HELLS: variants seen among roughly 807,000 people sequenced by gnomAD.
HELLS encodes the protein helicase, lymphoid specific, also known as lymphoid-specific helicase.
Under a neutral mutation model 120.0 loss-of-function variants are expected in HELLS, and 32 were observed. The observed-to-expected ratio is 0.27, with a 90% CI of 0.20 to 0.36. HELLS has a LOEUF of 0.36. Ranked by LOEUF, HELLS falls within the 10% of genes least tolerant of loss-of-function variation. The pLI, the probability that HELLS is intolerant of heterozygous loss-of-function variation, is 1.00. For missense variants in HELLS, 650 were observed against 993.4 expected (o/e 0.65, Z 4.65); for synonymous variants, 341 against 323.4 (o/e 1.05, Z -0.58).
At chr10:94,567,920 T>G (rs1305083889) in intron 6 of HELLS, among the ~76,000 whole-genome samples, 2 of 148,566 alleles carry the variant, frequency 1.3e-5, no homozygotes, top group East Asian at 2.0e-4. Context: ...TTTTTTTTTT[T>G]TTTTTTTGGA....
intron 13 of HELLS, among the ~76,000 whole-genome samples, chr10:94,589,847 TG>T (rs1845384927): frequency 6.6e-6 from 1 of 151,806 alleles, no homozygotes; most frequent in South Asian, 2.1e-4. Context: ...CCACCACGCT[TG>T]GCTAATTTTT....
chr10:94,588,390 G>A lies in HELLS; in HGVS notation c.1488G>A (p.Glu496=). Reference sequence around the variant, plus strand: ...TTGCAAACATGTTTGGATCCAGTGAGGTATAGTGGTTTTGAAATGTACTGT... The same window carrying A: ...TTGCAAACATGTTTGGATCCAGTGAAGTATAGTGGTTTTGAAATGTACTGT... ...RTIANMFGSS[E]KETIELSPTG... Residue 496 remains glutamate (E), a splice_region_variant and synonymous_variant, in exon 13 of 22, where the codon GAG becomes GAA. Transcript: ENST00000348459. 6.4e-7 allele frequency: 1 copy of A among 1,571,076 alleles called. No homozygotes were observed. Among genetic ancestry groups the A allele is most frequent in the Non-Finnish European group, 8.6e-7 (1 of 1,160,774 alleles).
rs902874561 is a variant in HELLS at position 94,565,309 on chromosome 10, T to C, written c.435+2433T>C. On this transcript the variant is annotated intron_variant, in intron 6 of 21. Coordinates refer to ENST00000348459, the MANE Select transcript of HELLS (RefSeq NM_018063.5). ...GAGATGATGCCACTGCACTCCAGCC[T>C]GGGCAGCAGAGCAAGACTCTGTCTC... is the stretch of plus-strand genomic sequence containing the variant. Among the ~76,000 whole-genome samples, 4 of 152,220 alleles carry C rather than the reference T, an allele frequency of 2.6e-5. No individual in the cohort carries two copies. In the South Asian group the frequency reaches 6.2e-4, roughly 24 times the overall value.
chr10:94,605,085 C>CCT (rs1554837202), downstream of HELLS, among the ~76,000 whole-genome samples: 5 of 80,526 alleles, frequency 6.2e-5, no homozygotes, highest in South Asian at 5.6e-4. Context: ...CCCCCCCCCC[C>CCT]TTTTTTTTTC....
Position 94,545,816 on chromosome 10 carries a change from GGGGGATTTGGCTAGAAGGCT to G in HELLS, c.-102_-83del, listed in dbSNP as rs1296333045. ...GGAGAAGCGCGCTTTTTTCCCTGGC[GGGGGATTTGGCTAGAAGGCT>G]GGGCCGGCAGCGGTTGTGAGGAGTT... On this transcript the variant is annotated 5_prime_UTR_variant, in exon 1 of 22. Coordinates refer to ENST00000348459, the MANE Select transcript of HELLS (RefSeq NM_018063.5). The G allele has an allele frequency of 7.7e-7, 1 of 1,304,062 alleles. No individual in the cohort carries two copies. Among genetic ancestry groups the G allele is most frequent in the Non-Finnish European group, 1.1e-6 (1 of 921,330 alleles). 80.8% of individuals were successfully genotyped at this position (1,304,062 alleles called of 1,614,324 possible).
In HELLS at chr10:94,575,588, A is replaced by G. The variant is rs534582407; in HGVS notation, c.888+852A>G. Among the ~76,000 whole-genome samples, 25 of 151,954 alleles carry G rather than the reference A, an allele frequency of 1.6e-4. No individual in the cohort carries two copies. In the South Asian group the frequency reaches 4.8e-3, roughly 29 times the overall value. On this transcript the variant is annotated intron_variant, in intron 9 of 21. Coordinates refer to ENST00000348459, the MANE Select transcript of HELLS (RefSeq NM_018063.5). ...CAGGCGCACACCACAAGGCCAGGCT[A>G]ATTTTTTGTATTTTGGTAGAGACAG... is the stretch of plus-strand genomic sequence containing the variant.
At chr10:94,574,248 T>A in intron 8 of HELLS, 61 bp downstream of exon 8, 1 of 1,073,878 alleles carries the variant, frequency 9.3e-7, no homozygotes, top group Non-Finnish European at 1.4e-6. Context: ...GCCTAATGAT[T>A]TGAGGTACCA....
At chr10:94,547,502 A>G (rs1011925261) in intron 2 of HELLS, among the ~76,000 whole-genome samples, 1 of 152,174 alleles carries the variant, frequency 6.6e-6, no homozygotes, top group East Asian at 1.9e-4. Context: ...TGTCAACAAT[A>G]ATTTTTTTGT....
chr10:94,606,774 G>A (rs977284239), downstream of HELLS, among the ~76,000 whole-genome samples: 1 of 152,074 alleles, frequency 6.6e-6, no homozygotes, highest in African/African-American at 2.4e-5. Context: ...AATGCCTTGG[G>A]ATCATTTACT....
intron 10 of HELLS, among the ~76,000 whole-genome samples, chr10:94,579,164 A>AG (rs762540119): frequency 4.6e-5 from 7 of 151,478 alleles, no homozygotes; most frequent in African/African-American, 7.3e-5. Context: ...AAGATGTAAA[A>AG]GCACCTGTAA....
chr10:94,591,380 G>T (rs892010962), intron 15 of HELLS, among the ~76,000 whole-genome samples: 28 of 152,164 alleles, frequency 1.8e-4, no homozygotes, highest in Admixed American at 3.3e-4. Flanking sequence ...TTAAGTAAAT[G>T]AAGTTGCTTT....
At chr10:94,571,777 G>A (rs1341903678) in intron 7 of HELLS, among the ~76,000 whole-genome samples, 2 of 152,176 alleles carry the variant, frequency 1.3e-5, no homozygotes, top group Admixed American at 6.5e-5. Context: ...CCTTAATCTT[G>A]CTTCAGACCT....
intron 13 of HELLS, among the ~76,000 whole-genome samples, chr10:94,589,196 C>G (rs1845332770): frequency 1.3e-5 from 2 of 152,162 alleles, no homozygotes; most frequent in African/African-American, 4.8e-5. Flanking sequence ...CAGATTAACT[C>G]TAATCATGCT....
chr10:94,595,940 T>A (rs144725656), intron 19 of HELLS, among the ~76,000 whole-genome samples: 3 of 152,286 alleles, frequency 2.0e-5, no homozygotes, highest in East Asian at 3.9e-4. Flanking sequence ...TAGACAAAAT[T>A]AATTTGGTGA....
intron 4 of HELLS, among the ~76,000 whole-genome samples, chr10:94,560,452 T>C (rs940657034): frequency 1.3e-5 from 2 of 152,222 alleles, no homozygotes; most frequent in Middle Eastern, 3.4e-3. Context: ...CCCAACACTT[T>C]GGGAGGCTGA....
intron 9 of HELLS, among the ~76,000 whole-genome samples, 190 bp from the exon 10 acceptor site, chr10:94,576,472 T>C (rs530481391): frequency 2.7e-4 from 40 of 150,170 alleles, no homozygotes; most frequent in African/African-American, 9.3e-4. Context: ...TTTTTGTTTG[T>C]TTTTTTTTCA....
At position 94,558,132 on chromosome 10, in the gene HELLS, C is replaced by G. The variant is rs1843357528; in HGVS notation, c.277-7C>G. ...CACTTGTGACATAAGAAAAAATTGTCTTACAGGAACAGAAGAAGAAAGAAA... is the reference window on the plus strand; with the variant it reads ...CACTTGTGACATAAGAAAAAATTGTGTTACAGGAACAGAAGAAGAAAGAAA... On this transcript the variant is annotated splice_region_variant and splice_polypyrimidine_tract_variant and intron_variant, in intron 3 of 21. Transcript: ENST00000348459. The G allele has an allele frequency of 9.7e-6, 15 of 1,552,088 alleles. No homozygotes were observed. Among genetic ancestry groups the G allele is most frequent in the Non-Finnish European group, 1.3e-5 (15 of 1,159,010 alleles).
In HELLS at chr10:94,574,050, A is replaced by G; in HGVS notation, c.568A>G (p.Thr190Ala). The change falls in exon 8 of 22, where the codon ACG (threonine) becomes GCG (alanine). Residue 190 changes from threonine to alanine, a missense_variant. This residue lies in a region of HELLS where 113 missense variants were observed against 120.7 expected (regional missense o/e 0.94). Transcript: ENST00000348459. Reference protein sequence around the residue: ...NSIIKDRLSETVRQNTKFFFD... With the variant: ...NSIIKDRLSEAVRQNTKFFFD... The stretch of plus-strand genomic sequence containing the variant: ...TATAATTAAAGATAGATTGTCTGAA[A>G]CGGTTAGGCAGAATACTAAATTCTT... 4 of 1,612,108 alleles carry G rather than the reference A, an allele frequency of 2.5e-6. No individual in the cohort carries two copies. The highest frequency in any genetic ancestry group is 3.4e-6 in the Non-Finnish European group (4 of 1,178,166).
intron 11 of HELLS, among the ~76,000 whole-genome samples, chr10:94,582,623 G>T (rs551919569): frequency 6.6e-6 from 1 of 152,080 alleles, no homozygotes; most frequent in Non-Finnish European, 1.5e-5. Flanking sequence ...TATGGCTTTG[G>T]TTTTCAGAGA....
Sources: gnomAD v4.1 joint callset for allele counts (sites outside exome capture counted in the v4.1 genomes callset) on GRCh38, gnomAD v4.1.1 for gene constraint, gnomAD v4.1.1 regional missense constraint, MANE v1.5 for transcripts, NCBI Gene and HGNC (gene_info 2026-07-23, HGNC 2026-07-21) for gene names.